The following DAPL1 variants were observed in gnomAD, a reference collection of about 807,000 sequenced individuals.
The protein encoded by DAPL1 is death-associated protein-like 1.
DAPL1 carries 17 observed loss-of-function variants against 12.9 expected under a neutral mutation model. That is an observed-to-expected ratio of 1.32 (90% CI 0.90 to 1.98). The LOEUF is 1.98. Ranked by LOEUF, DAPL1 falls within the 30% of genes most tolerant of loss-of-function variation. DAPL1 has a pLI of 0.00. For missense variants in DAPL1, 157 were observed against 125.7 expected (o/e 1.25, Z -1.19); for synonymous variants, 51 against 42.0 (o/e 1.21, Z -0.82).
intron 1 of DAPL1, among the ~76,000 whole-genome samples, chr2:158,799,687 A>C (rs1326059318): frequency 6.6e-6 from 1 of 152,140 alleles, no homozygotes; most frequent in Non-Finnish European, 1.5e-5. Flanking sequence ...TGACTGAGTA[A>C]GATCAGCTAC....
At chr2:158,801,220 G>C (rs754530041) in intron 1 of DAPL1, among the ~76,000 whole-genome samples, 18 of 152,198 alleles carry the variant, frequency 1.2e-4, no homozygotes, top group South Asian at 6.2e-4. Flanking sequence ...AAGAAAATGT[G>C]TAGGAATAAT....
In DAPL1 at chr2:158,807,127, G is replaced by A. The variant is rs776848208; in HGVS notation, c.207+12G>A. The A allele has an allele frequency of 8.7e-6, 14 of 1,601,914 alleles. No homozygotes were observed. Among genetic ancestry groups the A allele is most frequent in the Admixed American group, 5.0e-5 (3 of 59,590 alleles). On this transcript the variant is annotated intron_variant, in intron 3 of 3. Transcript: ENST00000309950. ...ACGCACTGGAGAAGGTGAGCCGTGG[G>A]CAAATCACATAGCGCTCCAAGTCAA...
At chr2:158,798,814 C>T (rs1372397101) in intron 1 of DAPL1, among the ~76,000 whole-genome samples, 1 of 152,064 alleles carries the variant, frequency 6.6e-6, no homozygotes, top group Non-Finnish European at 1.5e-5. Context: ...GAGCATTTTG[C>T]AAACATCTAA....
chr2:158,800,041 C>T (rs544388038), intron 1 of DAPL1, among the ~76,000 whole-genome samples: 84 of 138,264 alleles, frequency 6.1e-4, no homozygotes, highest in African/African-American at 2.2e-3. Context: ...TCCAGCCTGG[C>T]GACAGAGCGA....
chr2:158,797,201 T>C (rs147851273), intron 1 of DAPL1, among the ~76,000 whole-genome samples: 2 of 152,190 alleles, frequency 1.3e-5, no homozygotes, highest in Non-Finnish European at 2.9e-5. Flanking sequence ...AACCTCAACT[T>C]CATTTCACAT....
At chr2:158,799,194 A>G (rs2059152007) in intron 1 of DAPL1, among the ~76,000 whole-genome samples, 1 of 152,120 alleles carries the variant, frequency 6.6e-6, no homozygotes, top group African/African-American at 2.4e-5. Context: ...CCTTTTTTAC[A>G]TTGTCTATCT....
At chr2:158,799,052 G>A (rs967871574) in intron 1 of DAPL1, among the ~76,000 whole-genome samples, 1 of 152,098 alleles carries the variant, frequency 6.6e-6, no homozygotes, top group African/African-American at 2.4e-5. Flanking sequence ...ACTAACTGAT[G>A]TATTTTTAAA....
In DAPL1 at chr2:158,807,122, C is replaced by A. The variant is rs746168420; in HGVS notation, c.207+7C>A. ...GAATGACGCACTGGAGAAGGTGAGC[C>A]GTGGGCAAATCACATAGCGCTCCAA... On this transcript the variant is annotated splice_region_variant and intron_variant, in intron 3 of 3. Transcript: ENST00000309950. 20 of 1,604,626 alleles carry A rather than the reference C, an allele frequency of 1.2e-5. 1 individual carries two copies. In the South Asian group the frequency reaches 2.2e-4, roughly 18 times the overall value.
rs1385342679 is a variant in DAPL1 at position 158,795,365 on chromosome 2, C to T, written c.-8C>T. On this transcript the variant is annotated 5_prime_UTR_variant, in exon 1 of 4. Coordinates refer to ENST00000309950, the MANE Select transcript of DAPL1 (RefSeq NM_001017920.3). ...GCACCAGCACTGGCACTGGCACTGG[C>T]ACACGCTATGGCAAATGAAGTGCAA... 6.4e-7 allele frequency: 1 copy of T among 1,554,136 alleles called. No homozygotes were observed. Among genetic ancestry groups the T allele is most frequent in the East Asian group, 2.4e-5 (1 of 41,138 alleles).
At chr2:158,804,503 G>A (rs556822892) in intron 2 of DAPL1, 134 bp downstream of exon 2, 17 of 597,744 alleles carry the variant, frequency 2.8e-5, no homozygotes, top group South Asian at 1.7e-4. Flanking sequence ...GGGGGAGGGC[G>A]TGATCCGTGG....
intron 1 of DAPL1, among the ~76,000 whole-genome samples, chr2:158,797,634 A>G (rs2059141741): frequency 6.6e-6 from 1 of 152,156 alleles, no homozygotes; most frequent in East Asian, 1.9e-4. Flanking sequence ...TCTATTAAAA[A>G]TACAAAAATT....
At chr2:158,814,635 G>A (rs901737304) in intron 3 of DAPL1, among the ~76,000 whole-genome samples, 1 of 152,210 alleles carries the variant, frequency 6.6e-6, no homozygotes, top group African/African-American at 2.4e-5. Flanking sequence ...TAGGGCCTGG[G>A]CAGAGACATT....
At chr2:158,796,759 G>T (rs1369249240) in intron 1 of DAPL1, among the ~76,000 whole-genome samples, 2 of 152,138 alleles carry the variant, frequency 1.3e-5, no homozygotes, top group Non-Finnish European at 2.9e-5. Context: ...AAGTTCGAAT[G>T]AAACCACCGG....
chr2:158,802,661 C>T (rs1434616390), intron 1 of DAPL1, among the ~76,000 whole-genome samples: 4 of 152,182 alleles, frequency 2.6e-5, no homozygotes, highest in African/African-American at 9.7e-5. Context: ...ATAGACAAGA[C>T]CCCTATATAA....
At chr2:158,804,237 T>C (rs1346041809) in intron 1 of DAPL1, 45 bp from the exon 2 acceptor site, 2 of 1,333,142 alleles carry the variant, frequency 1.5e-6, no homozygotes, top group Non-Finnish European at 2.1e-6. Context: ...AAGCAAGCCT[T>C]CTCTCACTGT....
At chr2:158,804,976 G>T (rs896931589) in intron 2 of DAPL1, among the ~76,000 whole-genome samples, 7 of 152,122 alleles carry the variant, frequency 4.6e-5, no homozygotes, top group Non-Finnish European at 1.0e-4. Flanking sequence ...GGCCCAACCA[G>T]TCTAGGCCTT....
intron 2 of DAPL1, 132 bp downstream of exon 2, chr2:158,804,501 G>T (rs1359795514): frequency 3.2e-6 from 2 of 626,608 alleles, no homozygotes; most frequent in Non-Finnish European, 5.5e-6. Flanking sequence ...GAGGGGGAGG[G>T]CGTGATCCGT....
At chr2:158,795,550 C>G in intron 1 of DAPL1, 120 bp downstream of exon 1, 1 of 923,014 alleles carries the variant, frequency 1.1e-6, no homozygotes, top group Non-Finnish European at 1.7e-6. Context: ...GACTTTAACT[C>G]CATGCAGCCT....
chr2:158,812,292 T>C (rs2059235119), intron 3 of DAPL1, among the ~76,000 whole-genome samples: 2 of 152,350 alleles, frequency 1.3e-5, no homozygotes, highest in South Asian at 2.1e-4. Context: ...CAGATGGCCA[T>C]TGGGCCACAG....
Sources: allele counts gnomAD v4.1 joint callset (sites outside exome capture counted in the v4.1 genomes callset), GRCh38; gene constraint gnomAD v4.1.1; transcripts MANE v1.5; gene names NCBI Gene and HGNC (gene_info 2026-07-23, HGNC 2026-07-21).